The following ADRA1A variants were observed in gnomAD, a reference collection of about 807,000 sequenced individuals.
The protein encoded by ADRA1A is alpha-1A adrenergic receptor.
Under a neutral mutation model 29.6 loss-of-function variants are expected in ADRA1A, and 31 were observed. The ratio of observed to expected loss-of-function variants is 1.05; its 90% confidence interval spans 0.79 to 1.41. The LOEUF (loss-of-function observed/expected upper bound fraction) is 1.41, where lower values mean the gene tolerates loss of function less well. Ranked by LOEUF, ADRA1A falls within the 40% of genes most tolerant of loss-of-function variation. ADRA1A has a pLI of 0.00. For synonymous variants in ADRA1A, 311 were observed against 254.3 expected (o/e 1.22, Z -2.12); for missense variants, 619 against 601.1 (o/e 1.03, Z -0.31).
At chr8:26,817,751 C>T (rs1346005536) in intron 2 of ADRA1A, among the ~76,000 whole-genome samples, 1 of 152,154 alleles carries the variant, frequency 6.6e-6, no homozygotes, top group Non-Finnish European at 1.5e-5. Flanking sequence ...GTACTCCAGC[C>T]TGGGTGACAG....
At chr8:26,784,953 C>T (rs1232218619) in intron 2 of ADRA1A, among the ~76,000 whole-genome samples, 1 of 152,056 alleles carries the variant, frequency 6.6e-6, no homozygotes, top group Non-Finnish European at 1.5e-5. Flanking sequence ...CTCACTGAGG[C>T]CAGAGACTGG....
chr8:26,827,593 C>A (rs1480013476), intron 2 of ADRA1A, among the ~76,000 whole-genome samples: 1 of 152,148 alleles, frequency 6.6e-6, no homozygotes, highest in Non-Finnish European at 1.5e-5. Flanking sequence ...GACAAGACAG[C>A]GCTCTGGGGT....
chr8:26,813,604 C>T (rs574502382), intron 2 of ADRA1A, among the ~76,000 whole-genome samples: 1 of 152,210 alleles, frequency 6.6e-6, no homozygotes, highest in Admixed American at 6.5e-5. Context: ...ACACTGTGGA[C>T]ATCCATCCTA....
At chr8:26,822,117 A>G (rs1810215482) in intron 2 of ADRA1A, among the ~76,000 whole-genome samples, 1 of 152,238 alleles carries the variant, frequency 6.6e-6, no homozygotes, top group African/African-American at 2.4e-5. Context: ...CAGAAGAACA[A>G]CTACTGGGTT....
chr8:26,808,110 C>T (rs1471110306), intron 2 of ADRA1A, among the ~76,000 whole-genome samples: 1 of 152,228 alleles, frequency 6.6e-6, no homozygotes, highest in Non-Finnish European at 1.5e-5. Flanking sequence ...CCCTATCCCC[C>T]TTCAATCCCT....
intron 2 of ADRA1A, among the ~76,000 whole-genome samples, chr8:26,760,044 C>T (rs548848814): frequency 5.6e-4 from 86 of 152,316 alleles, no homozygotes; most frequent in South Asian, 8.3e-4. Flanking sequence ...TAGGAGGCCA[C>T]AGCGGCATGG....
chr8:26,844,642 C>A (rs111589585), intron 2 of ADRA1A, among the ~76,000 whole-genome samples: 1 of 152,276 alleles, frequency 6.6e-6, no homozygotes, highest in African/African-American at 2.4e-5. Context: ...AGAATAATTT[C>A]TTCAATAGAT....
rs1182618926 is a variant in ADRA1A, at chr8:26,864,053, C to T, written c.883+34G>A. The T allele has an allele frequency of 3.2e-6, 5 of 1,581,592 alleles. No homozygotes were observed. Among genetic ancestry groups the T allele is most frequent in the Admixed American group, 1.8e-5 (1 of 55,938 alleles). Reference sequence around the variant, plus strand: ...CAGAAGCCGAGGAGGGTGAAGACCCCCAGATGCTAAAGTGAGGGGTGTTCA... The same window carrying T: ...CAGAAGCCGAGGAGGGTGAAGACCCTCAGATGCTAAAGTGAGGGGTGTTCA... On this transcript the variant is annotated intron_variant, in intron 2 of 2. Coordinates refer to ENST00000380573, the MANE Select transcript of ADRA1A (RefSeq NM_000680.4). The surrounding 1 kb of genome is among the most constrained non-coding windows in gnomAD (Gnocchi z 8.1).
chr8:26,781,727 A>G (rs1370408999), intron 2 of ADRA1A, among the ~76,000 whole-genome samples: 1 of 152,258 alleles, frequency 6.6e-6, no homozygotes, highest in African/African-American at 2.4e-5. Flanking sequence ...GATAGTCATC[A>G]TCTCCTCTCA....
chr8:26,850,245 A>G (rs1369452528), intron 2 of ADRA1A, among the ~76,000 whole-genome samples: 17 of 152,130 alleles, frequency 1.1e-4, no homozygotes, highest in Non-Finnish European at 2.2e-4. Context: ...AATTTTATAA[A>G]CATCTTAGTT....
chr8:26,780,914 T>C (rs1423063592), intron 2 of ADRA1A, among the ~76,000 whole-genome samples: 1 of 152,250 alleles, frequency 6.6e-6, no homozygotes, highest in Admixed American at 6.5e-5. Flanking sequence ...TGGGACTGCC[T>C]AGTTGCAGGA....
chr8:26,867,371 C>T, upstream of ADRA1A: 1 of 985,180 alleles, frequency 1.0e-6, no homozygotes, highest in Non-Finnish European at 1.2e-6. Context: ...TAATGTTTTC[C>T]TCTGGCCTAG....
rs771371411 is a variant in ADRA1A, at chr8:26,860,914, C to T, written c.883+3173G>A. 1.2e-4 allele frequency among the ~76,000 whole-genome samples: 18 copies of T among 152,146 alleles called. No individual in the cohort carries two copies. The highest frequency in any genetic ancestry group is 1.1e-3 in the Admixed American group (17 of 15,270). On this transcript the variant is annotated intron_variant, in intron 2 of 2. Coordinates refer to ENST00000380573, the MANE Select transcript of ADRA1A (RefSeq NM_000680.4). This position sits in a 1 kb window ranked among gnomAD's most constrained non-coding sequence, Gnocchi z 4.7. The stretch of plus-strand genomic sequence containing the variant: ...TCTCTCTATACCCCTCCAGCTACAC[C>T]GCATCTCCTAGCTCCAGTGTATAGC...
intron 2 of ADRA1A, among the ~76,000 whole-genome samples, chr8:26,843,294 C>G (rs1811962229): frequency 6.6e-6 from 1 of 152,226 alleles, no homozygotes; most frequent in Admixed American, 6.5e-5. Flanking sequence ...AGGATAAGAA[C>G]TGGATGTGAC....
downstream of ADRA1A, among the ~76,000 whole-genome samples, chr8:26,767,485 G>C (rs1805855934): frequency 6.6e-6 from 1 of 152,098 alleles, no homozygotes; most frequent in African/African-American, 2.4e-5. Context: ...TCATGCTATG[G>C]GAAAGGAAAA....
intron 2 of ADRA1A, among the ~76,000 whole-genome samples, chr8:26,838,168 T>C: frequency 6.6e-6 from 1 of 152,374 alleles, no homozygotes; most frequent in Admixed American, 6.5e-5. Flanking sequence ...CAGAAATCTA[T>C]GTGGTTACTT....
intron 2 of ADRA1A, among the ~76,000 whole-genome samples, chr8:26,817,328 A>G (rs937322748): frequency 1.3e-5 from 2 of 152,252 alleles, no homozygotes; most frequent in Non-Finnish European, 2.9e-5. Flanking sequence ...AACTAAAGCA[A>G]CAATGAGATA....
At chr8:26,817,862 T>A (rs1406613544) in intron 2 of ADRA1A, among the ~76,000 whole-genome samples, 1 of 152,120 alleles carries the variant, frequency 6.6e-6, no homozygotes, top group East Asian at 1.9e-4. Flanking sequence ...AAATAAAAAC[T>A]TGTTCATTTA....
chr8:26,751,134 C>T (rs1228495651), intron 2 of ADRA1A, among the ~76,000 whole-genome samples: 1 of 151,244 alleles, frequency 6.6e-6, no homozygotes, highest in Admixed American at 6.6e-5. Flanking sequence ...GGTACAGTTT[C>T]TGCAAATGAG....
Sources: allele counts gnomAD v4.1 joint callset (sites outside exome capture counted in the v4.1 genomes callset), GRCh38; gene constraint gnomAD v4.1.1; non-coding constraint Gnocchi (gnomAD v3.1); transcripts MANE v1.5; gene names NCBI Gene and HGNC (gene_info 2026-07-23, HGNC 2026-07-21).